MIPOL1: variants seen among roughly 807,000 people sequenced by gnomAD.
MIPOL1 encodes mirror-image polydactyly gene 1 protein.
A neutral mutation model predicts 60.9 loss-of-function variants in MIPOL1; 57 were observed. The ratio of observed to expected loss-of-function variants is 0.94; its 90% CI spans 0.76 to 1.17. The LOEUF (loss-of-function observed/expected upper bound fraction) is 1.17. Ranked by LOEUF, MIPOL1 falls within the 50% of genes most tolerant of loss-of-function variation. The pLI is 0.00. For synonymous variants in MIPOL1, 179 were observed against 168.8 expected (o/e 1.06, Z -0.47); for missense variants, 551 against 511.6 (o/e 1.08, Z -0.74).
At chr14:37,223,957 A>G (rs958491711) in intron 1 of MIPOL1, among the ~76,000 whole-genome samples, 1 of 152,336 alleles carries the variant, frequency 6.6e-6, no homozygotes, top group South Asian at 2.1e-4. Context: ...GAAAAATACA[A>G]ACTTGGCAAC....
At chr14:37,531,695 A>G (rs992081264) in intron 12 of MIPOL1, among the ~76,000 whole-genome samples, 11 of 152,212 alleles carry the variant, frequency 7.2e-5, no homozygotes, top group African/African-American at 2.7e-4. Flanking sequence ...TGTTTTGTAG[A>G]GTTTTTGAAA....
intron 9 of MIPOL1, among the ~76,000 whole-genome samples, chr14:37,333,168 CTG>C (rs1237479779): frequency 6.6e-6 from 1 of 151,784 alleles, no homozygotes; most frequent in African/African-American, 2.4e-5. Context: ...CGTGTGTAAT[CTG>C]TGTGTGTGTG....
intron 7 of MIPOL1, among the ~76,000 whole-genome samples, chr14:37,292,758 G>T (rs970896355): frequency 6.6e-5 from 10 of 152,222 alleles, no homozygotes; most frequent in Admixed American, 5.9e-4. Flanking sequence ...TGGGATTACA[G>T]GTGTTAGCCA....
At chr14:37,426,655 A>ATATGTATATATATATAT (rs1297651965) in intron 11 of MIPOL1, among the ~76,000 whole-genome samples, 2 of 145,180 alleles carry the variant, frequency 1.4e-5, no homozygotes, top group African/African-American at 2.5e-5. Context: ...ATATGTGTAT[A>ATATGTATATATATATAT]TATATATGCA....
chr14:37,465,695 A>G (rs1297644291), intron 11 of MIPOL1, among the ~76,000 whole-genome samples: 2 of 152,152 alleles, frequency 1.3e-5, no homozygotes, highest in East Asian at 3.9e-4. Flanking sequence ...GACTTTCTAC[A>G]ATTAGGCTAT....
intron 11 of MIPOL1, among the ~76,000 whole-genome samples, chr14:37,487,162 T>C (rs1006054864): frequency 3.3e-5 from 5 of 152,098 alleles, no homozygotes; most frequent in African/African-American, 1.2e-4. Flanking sequence ...TGTTGAACCA[T>C]CCTTGCATCC....
intron 9 of MIPOL1, among the ~76,000 whole-genome samples, chr14:37,325,252 AGC>A (rs2089025867): frequency 6.6e-6 from 1 of 152,172 alleles, no homozygotes; most frequent in Non-Finnish European, 1.5e-5. Flanking sequence ...ATCTTTAAAC[AGC>A]AAAATTCCGT....
At chr14:37,215,179 C>T (rs1207694056) in intron 1 of MIPOL1, among the ~76,000 whole-genome samples, 2 of 152,078 alleles carry the variant, frequency 1.3e-5, no homozygotes, top group African/African-American at 4.8e-5. Flanking sequence ...AGGGAAGGGC[C>T]CCCTGTCCAA....
chr14:37,413,400 G>A (rs775645044), intron 10 of MIPOL1, among the ~76,000 whole-genome samples: 1 of 152,054 alleles, frequency 6.6e-6, no homozygotes. Flanking sequence ...TTGGCTTGTG[G>A]CCCCCTTTCA....
rs1050222519 is a variant in MIPOL1 at position 37,532,544 on chromosome 14, GA to G, written c.1263-14353del. On this transcript the variant is annotated intron_variant, in intron 12 of 12. Coordinates refer to ENST00000684589, the MANE Select transcript of MIPOL1 (RefSeq NM_001388067.1). ...GTGGCATATGAAAATCAGGAATCAGGAAAAAAAATGAAAGTCAGTCTTACAG... is the reference window on the plus strand; with the variant it reads ...GTGGCATATGAAAATCAGGAATCAGGAAAAAAATGAAAGTCAGTCTTACAG... Among the ~76,000 whole-genome samples, 93 of 151,708 alleles carry G rather than the reference GA, an allele frequency of 6.1e-4. No individual in the cohort carries two copies. In the Middle Eastern group the frequency reaches 0.034, roughly 55 times the overall value.
At chr14:37,228,433 C>T (rs577157436) in intron 1 of MIPOL1, among the ~76,000 whole-genome samples, 16 of 147,480 alleles carry the variant, frequency 1.1e-4, no homozygotes, top group Non-Finnish European at 1.9e-4. Flanking sequence ...TTCCTGACTT[C>T]TGATTAAAAC....
chr14:37,437,515 G>A (rs904023563), intron 11 of MIPOL1, among the ~76,000 whole-genome samples: 17 of 152,074 alleles, frequency 1.1e-4, no homozygotes, highest in African/African-American at 3.9e-4. Flanking sequence ...TGAAGAAAAC[G>A]TCATATATTT....
chr14:37,448,750 G>C (rs147692606), intron 11 of MIPOL1, among the ~76,000 whole-genome samples: 111 of 152,188 alleles, frequency 7.3e-4, no homozygotes, highest in African/African-American at 2.5e-3. Flanking sequence ...AGATCTTAGA[G>C]AACTAAAAAT....
chr14:37,217,425 A>G (rs930573399), intron 1 of MIPOL1, among the ~76,000 whole-genome samples: 1 of 152,204 alleles, frequency 6.6e-6, no homozygotes, highest in African/African-American at 2.4e-5. Flanking sequence ...TACCAAAACC[A>G]GACAAAGACA....
intron 10 of MIPOL1, among the ~76,000 whole-genome samples, chr14:37,421,168 A>G (rs1011300514): frequency 3.9e-5 from 6 of 152,166 alleles, no homozygotes; most frequent in Admixed American, 1.3e-4. Flanking sequence ...ATTTCTAGGC[A>G]AAAACTACAT....
chr14:37,327,593 C>G (rs1289859838), intron 9 of MIPOL1, among the ~76,000 whole-genome samples: 1 of 152,104 alleles, frequency 6.6e-6, no homozygotes, highest in Non-Finnish European at 1.5e-5. Context: ...CCAATTCAAG[C>G]AGTCTTTAGC....
chr14:37,535,368 A>G (rs941764745), intron 12 of MIPOL1, among the ~76,000 whole-genome samples: 3 of 152,196 alleles, frequency 2.0e-5, no homozygotes, highest in South Asian at 4.1e-4. Flanking sequence ...AATCTCAACA[A>G]TAAATCCAAG....
At chr14:37,342,547 A>G (rs529030083) in intron 9 of MIPOL1, among the ~76,000 whole-genome samples, 186 of 151,714 alleles carry the variant, frequency 1.2e-3, no homozygotes, top group Non-Finnish European at 1.8e-3. Flanking sequence ...ACAGGGATGC[A>G]CCACCACGCC....
intron 10 of MIPOL1, among the ~76,000 whole-genome samples, chr14:37,371,675 ATAATTTTTTAT>A (rs1019009107): frequency 2.0e-5 from 3 of 152,170 alleles, no homozygotes; most frequent in Non-Finnish European, 4.4e-5. Context: ...CACTGACTGA[ATAATTTTTTAT>A]TAATTTTATG....
Sources: allele counts gnomAD v4.1 joint callset (sites outside exome capture counted in the v4.1 genomes callset), GRCh38; gene constraint gnomAD v4.1.1; transcripts MANE v1.5; gene names NCBI Gene and HGNC (gene_info 2026-07-23, HGNC 2026-07-21).